The following DNM3 variants were observed in gnomAD, a reference collection of about 807,000 sequenced individuals.
DNM3 encodes dynamin-3.
In DNM3, 47 loss-of-function variants were observed where a neutral mutation model predicts 101.6. The ratio of observed to expected loss-of-function variants is 0.46; its 90% CI spans 0.37 to 0.59. The LOEUF is 0.59. Among genes scored for constraint, DNM3 ranks in the 20% least tolerant of loss-of-function variants. DNM3 has a pLI of 0.00. For missense variants in DNM3, 849 were observed against 1,085.7 expected (o/e 0.78, Z 3.06); for synonymous variants, 385 against 387.9 (o/e 0.99, Z 0.09).
At chr1:171,981,009 G>A (rs2044750602) in intron 2 of DNM3, among the ~76,000 whole-genome samples, 1 of 151,824 alleles carries the variant, frequency 6.6e-6, no homozygotes, top group Non-Finnish European at 1.5e-5. Context: ...GACCTCAGGT[G>A]ATCCACCCGC....
At chr1:172,044,991 G>T (rs2049667942) in intron 9 of DNM3, among the ~76,000 whole-genome samples, 1 of 96,236 alleles carries the variant, frequency 1.0e-5, no homozygotes, top group African/African-American at 4.3e-5. Flanking sequence ...AGGATGGAAG[G>T]ATGGAATGGA....
At chr1:172,344,572 C>A (rs2066845115) in intron 17 of DNM3, among the ~76,000 whole-genome samples, 1 of 152,184 alleles carries the variant, frequency 6.6e-6, no homozygotes, top group Non-Finnish European at 1.5e-5. Flanking sequence ...CCCACTTTCC[C>A]AGTGGCTATA....
intron 14 of DNM3, among the ~76,000 whole-genome samples, chr1:172,252,075 G>A (rs986313007): frequency 6.6e-6 from 1 of 152,016 alleles, no homozygotes; most frequent in East Asian, 1.9e-4. Context: ...GACTAATTTT[G>A]CAGTGCTTTA....
At chr1:171,944,458 C>T (rs1440962871) in intron 2 of DNM3, among the ~76,000 whole-genome samples, 1 of 151,836 alleles carries the variant, frequency 6.6e-6, no homozygotes, top group Non-Finnish European at 1.5e-5. Context: ...TCACTGCAAC[C>T]TCTGCTTCCC....
At chr1:172,080,625 G>T (rs1322640060) in intron 11 of DNM3, among the ~76,000 whole-genome samples, 1 of 152,158 alleles carries the variant, frequency 6.6e-6, no homozygotes, top group East Asian at 1.9e-4. Context: ...CCTTTCCAGG[G>T]GAGTGAACGG....
At chr1:172,072,669 C>T (rs996663596) in intron 11 of DNM3, among the ~76,000 whole-genome samples, 10 of 152,186 alleles carry the variant, frequency 6.6e-5, no homozygotes, top group Non-Finnish European at 1.3e-4. Flanking sequence ...GGGTGGATCA[C>T]CTGAGGTCAG....
intron 1 of DNM3, among the ~76,000 whole-genome samples, chr1:171,855,113 G>C (rs10798712): frequency 0.17 from 26,035 of 152,022 alleles, 2,538 homozygotes; most frequent in East Asian, 0.48. Context: ...TCCCACTAAT[G>C]AGTGAGAACA....
intron 10 of DNM3, among the ~76,000 whole-genome samples, chr1:172,054,941 A>G (rs1293915274): frequency 6.6e-6 from 1 of 152,118 alleles, no homozygotes; most frequent in East Asian, 1.9e-4. Flanking sequence ...CCCAGGCAAC[A>G]ACAGCGAGAC....
rs760504810 is a variant in DNM3, at chr1:172,038,177, T to G, written c.850-142T>G. 7 of 1,056,558 alleles carry G rather than the reference T, an allele frequency of 6.6e-6. No homozygotes were observed. In the African/African-American group the frequency reaches 8.1e-5, roughly 12 times the overall value. 65.4% of individuals were successfully genotyped at this position (1,056,558 alleles called of 1,614,324 possible). Reference sequence around the variant, plus strand: ...TTCCTTCTCCCTATCTACATAATAGTCAATGTCAAATGCAGACATAATGTT... The same window carrying G: ...TTCCTTCTCCCTATCTACATAATAGGCAATGTCAAATGCAGACATAATGTT... On this transcript the variant is annotated intron_variant, in intron 6 of 20. Transcript: ENST00000627582.
intron 14 of DNM3, among the ~76,000 whole-genome samples, chr1:172,228,454 CT>C (rs2061217878): frequency 6.6e-6 from 1 of 152,008 alleles, no homozygotes; most frequent in South Asian, 2.1e-4. Context: ...TTACCACAGG[CT>C]TCTGTTGTCT....
intron 15 of DNM3, among the ~76,000 whole-genome samples, chr1:172,255,608 A>G (rs548834162): frequency 9.2e-5 from 14 of 152,154 alleles, no homozygotes; most frequent in Admixed American, 7.9e-4. Context: ...AAAAATCTAG[A>G]TATTTTGGGA....
chr1:171,905,870 C>CA (rs112596756), intron 1 of DNM3, among the ~76,000 whole-genome samples: 17,345 of 144,904 alleles, frequency 0.12, 1,122 homozygotes, highest in South Asian at 0.24. Flanking sequence ...TGTCTCAAGA[C>CA]AAAAAAAAAA....
intron 2 of DNM3, among the ~76,000 whole-genome samples, chr1:171,925,054 C>A (rs542116370): frequency 1.3e-5 from 2 of 151,832 alleles, no homozygotes; most frequent in South Asian, 4.2e-4. Flanking sequence ...TGCCCACCAC[C>A]ACGCCCGGCT....
At chr1:172,229,360 A>T (rs2148599132) in intron 14 of DNM3, among the ~76,000 whole-genome samples, 1 of 152,326 alleles carries the variant, frequency 6.6e-6, no homozygotes, top group Admixed American at 6.5e-5. Context: ...TATGTTATAA[A>T]ACAATCTGAG....
At chr1:172,291,186 G>T (rs966324402) in intron 15 of DNM3, among the ~76,000 whole-genome samples, 1 of 152,192 alleles carries the variant, frequency 6.6e-6, no homozygotes, top group Non-Finnish European at 1.5e-5. Context: ...AAGGAGTTTT[G>T]CTATAAAGGC....
intron 17 of DNM3, among the ~76,000 whole-genome samples, chr1:172,363,860 A>G (rs995042767): frequency 6.6e-6 from 1 of 151,686 alleles, no homozygotes; most frequent in South Asian, 2.1e-4. Flanking sequence ...TTCCACCTCC[A>G]TTCCCTTTGT....
rs1009993393 is a variant in DNM3, at chr1:172,103,995, C to T, written c.1545+11120C>T. On this transcript the variant is annotated intron_variant, in intron 13 of 20. Transcript: ENST00000627582. ...CAGTCTGGGTGACAGAGCGAGACTCCGTCTCAAAAAAAAAGTTACAGACCA... is the reference window on the plus strand; with the variant it reads ...CAGTCTGGGTGACAGAGCGAGACTCTGTCTCAAAAAAAAAGTTACAGACCA... Among the ~76,000 whole-genome samples the T allele has an allele frequency of 3.3e-5, 5 of 152,036 alleles. No individual in the cohort carries two copies. The East Asian group carries it at 5.8e-4, about 18-fold the overall frequency.
chr1:171,885,305 C>G (rs909491435), intron 1 of DNM3, among the ~76,000 whole-genome samples: 1 of 151,954 alleles, frequency 6.6e-6, no homozygotes, highest in African/African-American at 2.4e-5. Flanking sequence ...TTATTTTTTA[C>G]GGAAAAGTAA....
chr1:172,199,703 G>T (rs553774556), intron 14 of DNM3, among the ~76,000 whole-genome samples: 3 of 152,066 alleles, frequency 2.0e-5, no homozygotes, highest in African/African-American at 7.2e-5. Flanking sequence ...CATCTGTTTT[G>T]TCTGAAATTA....
Sources: allele counts gnomAD v4.1 joint callset (sites outside exome capture counted in the v4.1 genomes callset), GRCh38; gene constraint gnomAD v4.1.1; transcripts MANE v1.5; gene names NCBI Gene and HGNC (gene_info 2026-07-23, HGNC 2026-07-21).